Variants in UBN2 observed in about 807,000 individuals in gnomAD.
UBN2 encodes the protein ubinuclein-2.
UBN2 carries 35 observed loss-of-function variants against 120.2 expected under a neutral mutation model. That is an observed-to-expected ratio of 0.29 (90% CI 0.22 to 0.39). UBN2 has a LOEUF of 0.39. Ranked by LOEUF, UBN2 falls within the 10% of genes least tolerant of loss-of-function variation. The pLI is 1.00. For missense variants in UBN2, 1,693 were observed against 1,663.2 expected, an observed-to-expected ratio of 1.02 and a Z score of -0.31; for synonymous variants, 661 against 648.7, an observed-to-expected ratio of 1.02 and a Z score of -0.29.
chr7:139,293,140 GCA>G, intron 15 of UBN2, 90 bp from the exon 16 acceptor site: 1 of 1,009,882 alleles, frequency 9.9e-7, no homozygotes, highest in Non-Finnish European at 1.5e-6. Flanking sequence ...CAGATGTAAG[GCA>G]CAGTCTTGCA....
chr7:139,282,934 T>C, intron 14 of UBN2, 90 bp from the exon 15 acceptor site: 2 of 1,141,958 alleles, frequency 1.8e-6, no homozygotes, highest in Non-Finnish European at 2.4e-6. Flanking sequence ...ACAATTGTAA[T>C]TGTCATGAGA....
chr7:139,261,893 T>C (rs1253114287), intron 6 of UBN2, 152 bp downstream of exon 6: 1 of 829,712 alleles, frequency 1.2e-6, no homozygotes, highest in East Asian at 2.7e-5. Context: ...AACATTTTTA[T>C]AACTTTTTAT....
intron 17 of UBN2, among the ~76,000 whole-genome samples, chr7:139,296,038 G>C (rs1563230371): frequency 6.6e-6 from 1 of 152,198 alleles, no homozygotes; most frequent in South Asian, 2.1e-4. Context: ...GAGTAGGCTT[G>C]TTTGACCATC....
the UBN2 span, among the ~76,000 whole-genome samples, chr7:139,328,298 G>T: frequency 2.7e-4 from 41 of 152,312 alleles, no homozygotes; most frequent in African/African-American, 8.2e-4. Flanking sequence ...GGAGGGGAAA[G>T]TGCCACACTT....
chr7:139,262,260 C>T (rs556687722), intron 6 of UBN2, among the ~76,000 whole-genome samples: 45 of 152,038 alleles, frequency 3.0e-4, no homozygotes, highest in African/African-American at 9.6e-4. Flanking sequence ...CCATCTCCCC[C>T]GGCTAATTTT....
At position 139,283,725 on chromosome 7, in the gene UBN2, G is replaced by T; in HGVS notation, c.2820G>T (p.Val940=). ...ATTCAGCTGTCCAGCAGAACTATGT[G>T]TCTCCATTACAGGCCACCATCAGTA... ...HQHSAVQQNY[V]SPLQATISKS... Residue 940 remains valine, a synonymous_variant, in exon 15 of 18, where the codon GTG becomes GTT. Coordinates refer to ENST00000473989, the MANE Select transcript of UBN2 (RefSeq NM_173569.4). 1 of 1,613,820 alleles carries T rather than the reference G, an allele frequency of 6.2e-7. No homozygotes were observed. The highest frequency in any genetic ancestry group is 8.5e-7 in the Non-Finnish European group (1 of 1,180,024).
chr7:139,237,011 C>T lies in UBN2; in HGVS notation c.475C>T (p.Leu159Phe). ...CCCATTCACCTTGAATCAGAAGAAG[C>T]TCATTCACACAGAAGACCCATTTAA... ...LLLCGEQRKK[L>F]IHTEDPFNDE... The change falls in exon 2 of 18, where the codon CTC becomes TTC. Residue 159 changes from leucine (L) to phenylalanine (F), a missense_variant. Physicochemically the swap from Leu to Phe is conservative, Grantham distance 22. Coordinates refer to ENST00000473989, the MANE Select transcript of UBN2 (RefSeq NM_173569.4). 1 of 1,606,516 alleles carries T rather than the reference C, an allele frequency of 6.2e-7. No homozygotes were observed. Among genetic ancestry groups the T allele is most frequent in the Non-Finnish European group, 8.5e-7 (1 of 1,175,502 alleles).
rs1798169866 is a variant in UBN2, at chr7:139,298,385, T to A, written c.*549T>A. The A allele has an allele frequency of 1.3e-5, 2 of 152,598 alleles. No individual in the cohort carries two copies. Among genetic ancestry groups the A allele is most frequent in the South Asian group, 4.1e-4 (2 of 4,840 alleles). The allele number at this position is 152,598 out of a possible 1,614,324, so 9.5% of individuals were successfully genotyped here. ...CTGCATAGCACACCCTCGAAAATCCTGAACAAACTTGAATCTCCTCCAGTG... is the reference window on the plus strand; with the variant it reads ...CTGCATAGCACACCCTCGAAAATCCAGAACAAACTTGAATCTCCTCCAGTG... On this transcript the variant is annotated 3_prime_UTR_variant, in exon 18 of 18. Coordinates refer to ENST00000473989, the MANE Select transcript of UBN2 (RefSeq NM_173569.4).
Position 139,266,310 on chromosome 7 carries a change from T to G in UBN2, c.1396-23T>G, listed in dbSNP as rs10480528. The G allele has an allele frequency of 1.7e-3, 2,587 of 1,500,138 alleles. 46 individuals are homozygous for G. In the African/African-American group the frequency reaches 0.033, roughly 19 times the overall value. 92.9% of individuals were successfully genotyped at this position (1,500,138 alleles called of 1,614,324 possible). On this transcript the variant is annotated intron_variant, in intron 6 of 17. Transcript: ENST00000473989. ...AGAGTAATGGCCTATTTTGATTTAT[T>G]ATCATCTTTCTTGTTTCTTTAGGCT...
intron 15 of UBN2, among the ~76,000 whole-genome samples, chr7:139,287,065 A>T (rs1797812244): frequency 6.6e-6 from 1 of 152,194 alleles, no homozygotes. Context: ...TTATATGTTA[A>T]AATGTATATG....
chr7:139,238,271 A>AT (rs1349816128), intron 2 of UBN2, among the ~76,000 whole-genome samples: 1 of 152,138 alleles, frequency 6.6e-6, no homozygotes, highest in East Asian at 1.9e-4. Context: ...ATCTTGACCC[A>AT]TATGTGCTGG....
downstream of UBN2, among the ~76,000 whole-genome samples, chr7:139,309,700 G>A (rs922858259): frequency 2.5e-4 from 38 of 152,112 alleles, no homozygotes; most frequent in Admixed American, 2.2e-3. Flanking sequence ...GAGAAACCCC[G>A]TCTTCTACTA....
intron 2 of UBN2, among the ~76,000 whole-genome samples, chr7:139,237,962 C>G (rs942428409): frequency 3.3e-5 from 5 of 152,268 alleles, no homozygotes; most frequent in Non-Finnish European, 7.4e-5. Context: ...TTCAGTGCCA[C>G]AATATAGTGG....
rs1269089956 is a variant in UBN2 at position 139,259,380 on chromosome 7, A to G, written c.905+10A>G. On this transcript the variant is annotated intron_variant, in intron 5 of 17. Transcript: ENST00000473989. ...TTCCCAAACAACTGGGGTACGTTAAATTAAACCTAAGAAGGGAACTGGCGT... is the reference window on the plus strand; with the variant it reads ...TTCCCAAACAACTGGGGTACGTTAAGTTAAACCTAAGAAGGGAACTGGCGT... 3 of 1,612,726 alleles carry G rather than the reference A, an allele frequency of 1.9e-6. No homozygotes were observed. The highest frequency in any genetic ancestry group is 1.3e-5 in the African/African-American group (1 of 74,832).
intron 15 of UBN2, among the ~76,000 whole-genome samples, chr7:139,290,679 A>C (rs1357001588): frequency 1.3e-5 from 2 of 152,220 alleles, no homozygotes; most frequent in Non-Finnish European, 2.9e-5. Context: ...ATGGAAATTG[A>C]GATGAGAGGC....
At chr7:139,317,031 C>T in the UBN2 span, among the ~76,000 whole-genome samples, 2 of 151,502 alleles carry the variant, frequency 1.3e-5, no homozygotes, top group Non-Finnish European at 2.9e-5. Context: ...CTCCTGGGTT[C>T]AAGCAATTCT....
Position 139,245,097 on chromosome 7 carries a change from CTTTT to C in UBN2, c.562-6838_562-6835del, listed in dbSNP as rs537219130. 4.0e-5 allele frequency among the ~76,000 whole-genome samples: 4 copies of C among 100,332 alleles called. No homozygotes were observed. In the East Asian group the frequency reaches 1.1e-3, roughly 27 times the overall value. The allele number at this position is 100,332 out of a possible 152,430, so 65.8% of individuals were successfully genotyped here. A position where few individuals can be genotyped will look rare whatever the true frequency, so the allele number is the denominator to read the frequency against. On this transcript the variant is annotated intron_variant, in intron 2 of 17. Coordinates refer to ENST00000473989, the MANE Select transcript of UBN2 (RefSeq NM_173569.4). ...TACAGGCACGCATCACCATGCCCAG[CTTTT>C]TTTTTTTTTTTTTTTTTTTTGAAAA...
At chr7:139,285,061 CGA>C (rs1797744360) in intron 15 of UBN2, among the ~76,000 whole-genome samples, 1 of 151,968 alleles carries the variant, frequency 6.6e-6, no homozygotes, top group African/African-American at 2.4e-5. Context: ...TTTATCTTCT[CGA>C]AATTTTTATT....
intron 15 of UBN2, among the ~76,000 whole-genome samples, chr7:139,287,561 T>C (rs1233824807): frequency 6.6e-6 from 1 of 152,192 alleles, no homozygotes; most frequent in Non-Finnish European, 1.5e-5. Context: ...TGAAGGCTAC[T>C]TGGCAAAGTA....
Sources: gnomAD v4.1 joint callset for allele counts (sites outside exome capture counted in the v4.1 genomes callset) on GRCh38, gnomAD v4.1.1 for gene constraint, MANE v1.5 for transcripts, NCBI Gene and HGNC (gene_info 2026-07-23, HGNC 2026-07-21) for gene names.